The following VEPH1 variants were observed in gnomAD, a reference collection of about 807,000 sequenced individuals.
The protein encoded by VEPH1 is ventricular zone expressed PH domain containing 1, also known as ventricular zone-expressed PH domain-containing protein homolog 1.
In VEPH1, 80 loss-of-function variants were observed where a neutral mutation model predicts 85.2. That is an observed-to-expected ratio of 0.94 (90% confidence interval 0.78 to 1.13). The LOEUF (loss-of-function observed/expected upper bound fraction) is 1.13, where lower values mean the gene tolerates loss of function less well. Among genes scored for constraint, VEPH1 ranks in the 50% most tolerant of loss-of-function variants. The pLI, the probability that VEPH1 is intolerant of heterozygous loss-of-function variation, is 0.00. For missense variants in VEPH1, 955 were observed against 980.5 expected, an observed-to-expected ratio of 0.97 and a Z score of 0.35; for synonymous variants, 297 against 348.0, an observed-to-expected ratio of 0.85 and a Z score of 1.63.
intron 12 of VEPH1, among the ~76,000 whole-genome samples, chr3:157,279,951 G>A (rs940342341): frequency 2.0e-5 from 3 of 149,490 alleles, no homozygotes; most frequent in African/African-American, 7.4e-5. Context: ...GGGAGGTGGA[G>A]GTAGCAGTGA....
intron 6 of VEPH1, among the ~76,000 whole-genome samples, chr3:157,385,669 TA>T (rs1340535027): frequency 6.6e-6 from 1 of 152,338 alleles, no homozygotes; most frequent in East Asian, 1.9e-4. Flanking sequence ...TCTGGCCTCA[TA>T]AAGATTTGAA....
At chr3:157,305,569 T>G (rs551190157) in intron 11 of VEPH1, among the ~76,000 whole-genome samples, 1 of 152,322 alleles carries the variant, frequency 6.6e-6, no homozygotes, top group African/African-American at 2.4e-5. Context: ...TTATCTTAAG[T>G]TTTGTACATG....
At chr3:157,403,948 C>T (rs1246938323) in intron 6 of VEPH1, among the ~76,000 whole-genome samples, 2 of 152,162 alleles carry the variant, frequency 1.3e-5, no homozygotes, top group Admixed American at 1.3e-4. Flanking sequence ...GCATCTTGTT[C>T]AATTATGGAT....
chr3:157,268,246 C>A (rs959136853), intron 12 of VEPH1, among the ~76,000 whole-genome samples: 2 of 152,102 alleles, frequency 1.3e-5, no homozygotes, highest in Non-Finnish European at 2.9e-5. Flanking sequence ...CTGGGTTATG[C>A]GTTCCTTGAG....
At position 157,495,458 on chromosome 3, in the gene VEPH1, C is replaced by A. The variant is rs1739593069; in HGVS notation, c.-109G>T. ...TGTAGAAGGAGGTATACTTCTTATT[C>A]CATGAAAGGTCATTTTTCTCCAGAC... On this transcript the variant is annotated 5_prime_UTR_variant, in exon 2 of 14. It introduces an in-frame stop codon into an upstream open reading frame of the 5' UTR. Transcript: ENST00000362010. The A allele has an allele frequency of 6.6e-7, 1 of 1,513,232 alleles. No individual in the cohort carries two copies. Among genetic ancestry groups the A allele is most frequent in the Admixed American group, 2.2e-5 (1 of 44,646 alleles). The allele number at this position is 1,513,232 out of a possible 1,614,324, so 93.7% of individuals were successfully genotyped here. A position where few individuals can be genotyped will look rare whatever the true frequency, so the allele number is the denominator to read the frequency against.
chr3:157,364,539 G>C, intron 7 of VEPH1, 27 bp from the exon 8 acceptor site: 1 of 1,596,076 alleles, frequency 6.3e-7, no homozygotes, highest in Non-Finnish European at 8.6e-7. Flanking sequence ...CATTGCATTA[G>C]ATGCAGGTCA....
Position 157,278,715 on chromosome 3 carries a change from A to C in VEPH1, c.2128+7842T>G, listed in dbSNP as rs887761747. Among the ~76,000 whole-genome samples the C allele has an allele frequency of 2.6e-5, 4 of 152,192 alleles. No homozygotes were observed. In the South Asian group the frequency reaches 8.3e-4, roughly 32 times the overall value. The stretch of plus-strand genomic sequence containing the variant: ...AAATGGACAGATTTGAGAGCAATTG[A>C]GAAAGTAAAATCCTCAATCTTGTGG... On this transcript the variant is annotated intron_variant, in intron 12 of 13. Coordinates refer to ENST00000362010, the MANE Select transcript of VEPH1 (RefSeq NM_001167912.2).
At chr3:157,320,743 T>C (rs971924845) in intron 9 of VEPH1, among the ~76,000 whole-genome samples, 1 of 152,156 alleles carries the variant, frequency 6.6e-6, no homozygotes. Flanking sequence ...CAATATAATG[T>C]GTTATGTGTT....
intron 3 of VEPH1, among the ~76,000 whole-genome samples, chr3:157,464,670 T>G (rs1424577913): frequency 6.6e-6 from 1 of 152,198 alleles, no homozygotes; most frequent in Non-Finnish European, 1.5e-5. Context: ...AGCACCAATT[T>G]GAACTTTTGG....
chr3:157,419,796 A>G (rs1282590992), intron 5 of VEPH1, among the ~76,000 whole-genome samples: 1 of 152,222 alleles, frequency 6.6e-6, no homozygotes, highest in Non-Finnish European at 1.5e-5. Flanking sequence ...CAGAAATACC[A>G]TTTGACCCAA....
chr3:157,362,422 T>C (rs1197674536), intron 9 of VEPH1, among the ~76,000 whole-genome samples: 1 of 152,206 alleles, frequency 6.6e-6, no homozygotes, highest in Non-Finnish European at 1.5e-5. Flanking sequence ...ATTTTTTTAC[T>C]TTGCCCTTCG....
At chr3:157,441,678 T>G (rs553994116) in intron 4 of VEPH1, among the ~76,000 whole-genome samples, 1 of 151,774 alleles carries the variant, frequency 6.6e-6, no homozygotes, top group East Asian at 1.9e-4. Context: ...GGCGCAGTGG[T>G]GTGCACCTGT....
At chr3:157,287,549 A>ATT (rs144454109) in intron 11 of VEPH1, among the ~76,000 whole-genome samples, 1 of 151,140 alleles carries the variant, frequency 6.6e-6, no homozygotes, top group Non-Finnish European at 1.5e-5. Context: ...AGCTACATTG[A>ATT]TTTTTTTTTA....
At chr3:157,466,076 G>A (rs1276258827) in intron 3 of VEPH1, among the ~76,000 whole-genome samples, 4 of 152,166 alleles carry the variant, frequency 2.6e-5, no homozygotes, top group African/African-American at 9.7e-5. Flanking sequence ...TAGAACAGCA[G>A]CTATGTCAAT....
intron 9 of VEPH1, among the ~76,000 whole-genome samples, chr3:157,335,786 G>A (rs993349413): frequency 1.3e-5 from 2 of 152,016 alleles, no homozygotes; most frequent in African/African-American, 4.8e-5. Flanking sequence ...TATTGGCTCC[G>A]AGTTAGTGAA....
intron 2 of VEPH1, among the ~76,000 whole-genome samples, chr3:157,472,225 C>T (rs373161950): frequency 6.6e-6 from 1 of 152,102 alleles, no homozygotes; most frequent in African/African-American, 2.4e-5. Flanking sequence ...TACTTTTTTC[C>T]AGATTAAAAA....
chr3:157,350,440 T>C (rs1559982713), intron 9 of VEPH1, among the ~76,000 whole-genome samples: 1 of 152,124 alleles, frequency 6.6e-6, no homozygotes, highest in African/African-American at 2.4e-5. Flanking sequence ...AGGAAAATGC[T>C]TCAAAACACT....
At chr3:157,402,841 C>T (rs866045111) in intron 6 of VEPH1, among the ~76,000 whole-genome samples, 52 of 152,122 alleles carry the variant, frequency 3.4e-4, no homozygotes, top group Non-Finnish European at 6.3e-4. Flanking sequence ...CATGAATACA[C>T]GTAGATGACA....
intron 2 of VEPH1, among the ~76,000 whole-genome samples, chr3:157,479,862 G>A (rs1737851812): frequency 6.6e-6 from 1 of 152,162 alleles, no homozygotes; most frequent in South Asian, 2.1e-4. Context: ...AGTGTCTGGT[G>A]CACAGTAAGT....
Sources: gnomAD v4.1 joint callset for allele counts (sites outside exome capture counted in the v4.1 genomes callset) on GRCh38, gnomAD v4.1.1 for gene constraint, MANE v1.5 for transcripts, NCBI Gene and HGNC (gene_info 2026-07-23, HGNC 2026-07-21) for gene names.